The following ADAM9 variants were observed in gnomAD, a reference collection of about 807,000 sequenced individuals.
ADAM9 encodes disintegrin and metalloproteinase domain-containing protein 9.
In ADAM9, 54 loss-of-function variants were observed where a neutral mutation model predicts 108.1. That is an observed-to-expected ratio of 0.50 (90% CI 0.40 to 0.63). The LOEUF is 0.63. Ranked by LOEUF, ADAM9 falls within the 20% of genes least tolerant of loss-of-function variation. The pLI, the probability that ADAM9 is intolerant of heterozygous loss-of-function variation, is 0.00. For synonymous variants in ADAM9, 316 were observed against 336.0 expected (o/e 0.94, Z 0.65); for missense variants, 830 against 997.7 (o/e 0.83, Z 2.26).
chr8:39,008,675 C>T (rs565654353), intron 2 of ADAM9, among the ~76,000 whole-genome samples: 57 of 152,212 alleles, frequency 3.7e-4, no homozygotes, highest in African/African-American at 1.3e-3. Context: ...ATAGCTAGAA[C>T]ACTTTATACT....
chr8:39,066,800 G>C (rs12156418), intron 14 of ADAM9, among the ~76,000 whole-genome samples: 62,381 of 151,942 alleles, frequency 0.41, 13,584 homozygotes, highest in East Asian at 0.73. Flanking sequence ...CATTGCTTTT[G>C]GTGTTTTAGA....
At chr8:39,065,800 G>T (rs144769642) in intron 14 of ADAM9, among the ~76,000 whole-genome samples, 2,816 of 151,226 alleles carry the variant, frequency 0.019, 99 homozygotes, top group African/African-American at 0.064. Flanking sequence ...TGTGCACAAC[G>T]TGCAGGTTTG....
At chr8:39,092,038 T>C (rs1839372907) in intron 20 of ADAM9, among the ~76,000 whole-genome samples, 1 of 152,228 alleles carries the variant, frequency 6.6e-6, no homozygotes, top group South Asian at 2.1e-4. Context: ...GTAGGACTGA[T>C]AGTCACTGTT....
At chr8:39,016,216 CT>C (rs557600780) in intron 5 of ADAM9, 22 bp downstream of exon 5, 304 of 1,577,434 alleles carry the variant, frequency 1.9e-4, no homozygotes, top group Non-Finnish European at 2.3e-4. Context: ...CCTTTATCTT[CT>C]TTTTTTTTGT....
chr8:39,089,385 C>T (rs1839279806), intron 18 of ADAM9, among the ~76,000 whole-genome samples: 1 of 152,140 alleles, frequency 6.6e-6, no homozygotes, highest in Non-Finnish European at 1.5e-5. Context: ...ATGGGGAATT[C>T]TTATATATTG....
At chr8:39,036,241 G>A (rs1291426165) in intron 11 of ADAM9, among the ~76,000 whole-genome samples, 1 of 152,052 alleles carries the variant, frequency 6.6e-6, no homozygotes, top group African/African-American at 2.4e-5. Context: ...CCTGGGAGGT[G>A]CCTTTCTAGA....
chr8:39,009,962 A>AAAAAC (rs1428440046), intron 2 of ADAM9, among the ~76,000 whole-genome samples: 17 of 117,582 alleles, frequency 1.4e-4, no homozygotes, highest in Middle Eastern at 4.2e-3. Context: ...CAACAAAAAC[A>AAAAAC]AACCCCCCCC....
chr8:39,078,836 A>G (rs1227864436), intron 16 of ADAM9, among the ~76,000 whole-genome samples: 2 of 152,212 alleles, frequency 1.3e-5, no homozygotes, highest in Non-Finnish European at 2.9e-5. Context: ...AGATTTATCT[A>G]TTTTAGACAT....
intron 18 of ADAM9, among the ~76,000 whole-genome samples, chr8:39,087,694 A>G (rs773668396): frequency 2.0e-5 from 3 of 152,236 alleles, no homozygotes; most frequent in African/African-American, 7.2e-5. Context: ...ATCAGTTTCA[A>G]AATAATCTTG....
chr8:39,103,292 T>C (rs373845037), intron 21 of ADAM9, among the ~76,000 whole-genome samples: 3 of 152,248 alleles, frequency 2.0e-5, no homozygotes, highest in African/African-American at 4.8e-5. Context: ...GATCACTTAG[T>C]GTACTCACTT....
Position 39,076,739 on chromosome 8 carries a change from T to A in ADAM9, c.1698-489T>A, listed in dbSNP as rs538024005. 2.0e-5 allele frequency among the ~76,000 whole-genome samples: 3 copies of A among 152,372 alleles called. No individual in the cohort carries two copies. The South Asian group carries it at 6.2e-4, about 32-fold the overall frequency. On this transcript the variant is annotated intron_variant, in intron 15 of 21. Coordinates refer to ENST00000487273, the MANE Select transcript of ADAM9 (RefSeq NM_003816.3). ...TTTAATTAATGAATTAACGAGTTAA[T>A]GAATTGATTCTTTAAATAAGTAACC... is the stretch of plus-strand genomic sequence containing the variant.
intron 12 of ADAM9, among the ~76,000 whole-genome samples, chr8:39,044,223 G>C (rs1369020045): frequency 1.3e-5 from 2 of 152,104 alleles, no homozygotes; most frequent in Non-Finnish European, 2.9e-5. Context: ...ACTGTTTCAG[G>C]CCTTATGTTT....
chr8:39,044,334 G>A (rs1164781242), intron 12 of ADAM9, among the ~76,000 whole-genome samples: 3 of 152,012 alleles, frequency 2.0e-5, no homozygotes, highest in Non-Finnish European at 4.4e-5. Flanking sequence ...ACGGGGGAAG[G>A]GACTACCTTT....
At chr8:39,075,272 A>C (rs1438168432) in intron 15 of ADAM9, among the ~76,000 whole-genome samples, 1 of 152,234 alleles carries the variant, frequency 6.6e-6, no homozygotes, top group African/African-American at 2.4e-5. Context: ...TAAGCAATGC[A>C]TTATATCAAG....
At chr8:39,043,142 A>G (rs924560145) in intron 12 of ADAM9, among the ~76,000 whole-genome samples, 1 of 152,072 alleles carries the variant, frequency 6.6e-6, no homozygotes, top group East Asian at 1.9e-4. Context: ...GTGTATATGT[A>G]TGTATGTATG....
Position 39,023,153 on chromosome 8 carries a change from C to G in ADAM9, c.745-3C>G. 1.2e-6 allele frequency: 2 copies of G among 1,608,046 alleles called. No homozygotes were observed. The highest frequency in any genetic ancestry group is 1.7e-6 in the Non-Finnish European group (2 of 1,175,562). ...TTATATACTTTTATTTCTTTCTTCC[C>G]AGATGTATATTATGTTAAATATTCG... On this transcript the variant is annotated splice_polypyrimidine_tract_variant and splice_region_variant and intron_variant, in intron 8 of 21. Transcript: ENST00000487273.
chr8:39,092,921 A>C (rs1260445414), intron 20 of ADAM9, among the ~76,000 whole-genome samples: 1 of 152,084 alleles, frequency 6.6e-6, no homozygotes, highest in African/African-American at 2.4e-5. Flanking sequence ...GCTGACCATA[A>C]AGTTGTGGAT....
rs528270506 is a variant in ADAM9 at position 39,096,973 on chromosome 8, G to C, written c.2299-4890G>C. ...TATGATGGTAATTTTTGAATTCTTTGGTAATTTATATATATCTGTTTCCTT... is the reference window on the plus strand; with the variant it reads ...TATGATGGTAATTTTTGAATTCTTTCGTAATTTATATATATCTGTTTCCTT... On this transcript the variant is annotated intron_variant, in intron 20 of 21. Transcript: ENST00000487273. 5.6e-4 allele frequency among the ~76,000 whole-genome samples: 85 copies of C among 152,052 alleles called. 1 individual carries two copies. The Middle Eastern group carries it at 0.01, about 18-fold the overall frequency.
intron 11 of ADAM9, among the ~76,000 whole-genome samples, chr8:39,037,224 AT>A (rs1291956374): frequency 4.8e-4 from 69 of 143,344 alleles, no homozygotes; most frequent in East Asian, 8.1e-4. Flanking sequence ...CGCCCGGCTA[AT>A]TTTTTTTTTT....
Sources: gnomAD v4.1 joint callset for allele counts (sites outside exome capture counted in the v4.1 genomes callset) on GRCh38, gnomAD v4.1.1 for gene constraint, MANE v1.5 for transcripts, NCBI Gene and HGNC (gene_info 2026-07-23, HGNC 2026-07-21) for gene names.